The following PTPRK variants were observed in gnomAD, a reference collection of about 807,000 sequenced individuals.
PTPRK encodes receptor-type tyrosine-protein phosphatase kappa.
A neutral mutation model predicts 178.0 loss-of-function variants in PTPRK; 75 were observed. That is an observed-to-expected ratio of 0.42 (90% confidence interval 0.35 to 0.51). PTPRK has a LOEUF of 0.51. Ranked by LOEUF, PTPRK falls within the 20% of genes least tolerant of loss-of-function variation. The pLI, the probability that PTPRK is intolerant of heterozygous loss-of-function variation, is 0.02. For missense variants in PTPRK, 1,441 were observed against 1,797.8 expected, an observed-to-expected ratio of 0.80 and a Z score of 3.59; for synonymous variants, 637 against 620.6, an observed-to-expected ratio of 1.03 and a Z score of -0.39.
intron 1 of PTPRK, among the ~76,000 whole-genome samples, chr6:128,488,366 A>G (rs1333607843): frequency 2.6e-5 from 4 of 152,198 alleles, no homozygotes; most frequent in African/African-American, 9.6e-5. Context: ...TCAAACGTTC[A>G]TATGCTTTGG....
intron 7 of PTPRK, among the ~76,000 whole-genome samples, chr6:128,154,696 A>G (rs1371576806): frequency 6.6e-6 from 1 of 151,784 alleles, no homozygotes; most frequent in African/African-American, 2.4e-5. Context: ...GCAATTACAG[A>G]TAATTTCAAA....
At chr6:128,447,354 T>C (rs1847163529) in intron 1 of PTPRK, among the ~76,000 whole-genome samples, 1 of 152,208 alleles carries the variant, frequency 6.6e-6, no homozygotes, top group Admixed American at 6.5e-5. Context: ...CTCCACCATA[T>C]GTCAGGCACC....
intron 1 of PTPRK, 113 bp downstream of exon 1, chr6:128,520,146 C>G (rs562877249): frequency 1.1e-6 from 1 of 939,824 alleles, no homozygotes; most frequent in East Asian, 2.7e-5. Context: ...TCCCCACCCC[C>G]GGACAGAGAG....
At chr6:128,321,068 T>C (rs1828720295) in intron 3 of PTPRK, 1 of 152,128 alleles carries the variant, frequency 6.6e-6, no homozygotes, top group Admixed American at 6.6e-5. Flanking sequence ...ATTTCTTTTT[T>C]CCCCTTCAAG....
chr6:127,970,350 A>G (rs1773765462), intron 29 of PTPRK, 70 bp from the exon 30 acceptor site: 3 of 1,298,206 alleles, frequency 2.3e-6, no homozygotes, highest in South Asian at 1.3e-5. Context: ...ACAGTTACCA[A>G]ATGAAACTTG....
intron 3 of PTPRK, among the ~76,000 whole-genome samples, chr6:128,305,332 G>T (rs1231672493): frequency 1.3e-5 from 2 of 152,010 alleles, no homozygotes; most frequent in Admixed American, 1.3e-4. Context: ...ATCTTTAGTA[G>T]CTTAGAGGAT....
chr6:128,042,247 C>T (rs1217596266), intron 13 of PTPRK, among the ~76,000 whole-genome samples: 1 of 151,972 alleles, frequency 6.6e-6, no homozygotes, highest in African/African-American at 2.4e-5. Context: ...AGTAAGACCA[C>T]ACTTGCAGGT....
intron 2 of PTPRK, among the ~76,000 whole-genome samples, chr6:128,336,598 T>C (rs1358394194): frequency 6.6e-6 from 1 of 152,166 alleles, no homozygotes; most frequent in Non-Finnish European, 1.5e-5. Flanking sequence ...ATAAGCTAAA[T>C]GGATGCAACT....
At chr6:128,064,659 A>G (rs899671911) in intron 13 of PTPRK, 99 bp downstream of exon 13, 2 of 1,457,236 alleles carry the variant, frequency 1.4e-6, no homozygotes, top group African/African-American at 2.9e-5. Flanking sequence ...TAACTATAAC[A>G]GAAATGTCAT....
intron 1 of PTPRK, among the ~76,000 whole-genome samples, chr6:128,407,155 T>C (rs1447172033): frequency 6.6e-6 from 1 of 152,190 alleles, no homozygotes; most frequent in Non-Finnish European, 1.5e-5. Flanking sequence ...ATTTAAGTCA[T>C]CATTAGTTAG....
At chr6:128,082,914 C>T (rs895341454) in intron 9 of PTPRK, among the ~76,000 whole-genome samples, 12 of 151,824 alleles carry the variant, frequency 7.9e-5, no homozygotes, top group South Asian at 2.1e-4. Context: ...ATAAATTATG[C>T]GTACATAAAA....
chr6:128,040,634 A>G (rs1217369519), intron 13 of PTPRK, among the ~76,000 whole-genome samples: 1 of 152,124 alleles, frequency 6.6e-6, no homozygotes, highest in African/African-American at 2.4e-5. Flanking sequence ...TGTTAACGAA[A>G]AGATAATCTG....
intron 6 of PTPRK, among the ~76,000 whole-genome samples, chr6:128,187,950 T>C (rs1156670207): frequency 6.6e-6 from 1 of 152,178 alleles, no homozygotes; most frequent in African/African-American, 2.4e-5. Flanking sequence ...GGCTTATTTA[T>C]AAAATTTCTA....
intron 3 of PTPRK, among the ~76,000 whole-genome samples, chr6:128,304,798 G>A (rs1285397797): frequency 6.6e-6 from 1 of 152,164 alleles, no homozygotes; most frequent in African/African-American, 2.4e-5. Context: ...CCCTAGTCCA[G>A]CTAGGAAGAC....
chr6:128,178,339 T>C (rs1801401429), intron 7 of PTPRK, among the ~76,000 whole-genome samples: 1 of 151,808 alleles, frequency 6.6e-6, no homozygotes, highest in African/African-American at 2.4e-5. Context: ...GTGTACAACT[T>C]GGGCCCTCAC....
chr6:128,352,600 G>A (rs967515837), intron 2 of PTPRK, among the ~76,000 whole-genome samples: 5 of 151,898 alleles, frequency 3.3e-5, no homozygotes, highest in South Asian at 2.1e-4. Flanking sequence ...AAAGTGCCAC[G>A]TACTCTCATT....
chr6:128,219,208 A>G lies in PTPRK; in HGVS notation c.694-112T>C, dbSNP rs1054121285. 1.2e-5 allele frequency: 12 copies of G among 1,017,340 alleles called. No homozygotes were observed. In the Admixed American group the frequency reaches 1.4e-4, roughly 12 times the overall value. 63.0% of individuals were successfully genotyped at this position (1,017,340 alleles called of 1,614,324 possible). A position where few individuals can be genotyped will look rare whatever the true frequency, so the allele number is the denominator to read the frequency against. On this transcript the variant is annotated intron_variant, in intron 5 of 29. Coordinates refer to ENST00000368226, the MANE Select transcript of PTPRK (RefSeq NM_002844.4). ...ATTATTCTTGTTGCAAAAGAGCCAC[A>G]ATTTTTTTCCATTGTCAATCAGGAA...
chr6:128,013,161 C>T (rs1583643121), intron 13 of PTPRK, among the ~76,000 whole-genome samples: 1 of 151,346 alleles, frequency 6.6e-6, no homozygotes, highest in African/African-American at 2.4e-5. Context: ...TTTCCTGGGA[C>T]TTCCATGAAC....
At chr6:128,323,578 C>G (rs1330078756) in intron 2 of PTPRK, among the ~76,000 whole-genome samples, 1 of 152,102 alleles carries the variant, frequency 6.6e-6, no homozygotes, top group Non-Finnish European at 1.5e-5. Flanking sequence ...ACTAGTCTAA[C>G]TTGTTCAATT....
Sources: allele counts gnomAD v4.1 joint callset (sites outside exome capture counted in the v4.1 genomes callset), GRCh38; gene constraint gnomAD v4.1.1; transcripts MANE v1.5; gene names NCBI Gene and HGNC (gene_info 2026-07-23, HGNC 2026-07-21).